Variants in AKAP7 observed in about 807,000 individuals in gnomAD.
AKAP7 encodes A kinase (PRKA) anchor protein 7.
In AKAP7, 39 loss-of-function variants were observed where a neutral mutation model predicts 39.5. The ratio of observed to expected loss-of-function variants is 0.99; its 90% confidence interval spans 0.76 to 1.29. The LOEUF is 1.29. Ranked by LOEUF, AKAP7 falls within the 50% of genes most tolerant of loss-of-function variation. AKAP7 has a pLI of 0.00. For missense variants in AKAP7, 414 were observed against 407.7 expected (o/e 1.02, Z -0.13); for synonymous variants, 140 against 139.1 (o/e 1.01, Z -0.05).
At chr6:131,168,284 A>C (rs1803696090) in intron 4 of AKAP7, among the ~76,000 whole-genome samples, 1 of 151,940 alleles carries the variant, frequency 6.6e-6, no homozygotes, top group African/African-American at 2.4e-5. Context: ...GGTGGCATAC[A>C]CCTGTGTATT....
At chr6:131,247,665 T>C (rs1812144838) in intron 7 of AKAP7, among the ~76,000 whole-genome samples, 1 of 151,710 alleles carries the variant, frequency 6.6e-6, no homozygotes, top group Admixed American at 6.6e-5. Context: ...CGGTCACTCC[T>C]GCACTCAGGC....
intron 7 of AKAP7, among the ~76,000 whole-genome samples, chr6:131,235,720 C>T (rs1487254012): frequency 1.3e-5 from 2 of 152,028 alleles, no homozygotes; most frequent in Non-Finnish European, 2.9e-5. Flanking sequence ...TTGAGAAGTG[C>T]CTGTTCATGT....
rs1353105281 is a variant in AKAP7 at position 131,282,007 on chromosome 6, G to C, written c.*281G>C. 1 of 1,164,844 alleles carries C rather than the reference G, an allele frequency of 8.6e-7. No homozygotes were observed. Among genetic ancestry groups the C allele is most frequent in the East Asian group, 4.2e-5 (1 of 24,028 alleles). 72.2% of individuals were successfully genotyped at this position (1,164,844 alleles called of 1,614,324 possible). Reference sequence around the variant, plus strand: ...CAAGGGAAAGGGAACTTTGGGTTATGCCTCCTGGACGCAAATTAAAGGCCG... The same window carrying C: ...CAAGGGAAAGGGAACTTTGGGTTATCCCTCCTGGACGCAAATTAAAGGCCG... On this transcript the variant is annotated 3_prime_UTR_variant, in exon 8 of 8. Transcript: ENST00000431975.
intron 6 of AKAP7, among the ~76,000 whole-genome samples, chr6:131,204,019 A>C (rs1289816337): frequency 2.0e-5 from 3 of 152,254 alleles, no homozygotes; most frequent in African/African-American, 7.2e-5. Context: ...TATACTCCCA[A>C]CCGTGGTGTA....
chr6:131,205,470 G>A (rs575083382), intron 6 of AKAP7, among the ~76,000 whole-genome samples: 1 of 152,238 alleles, frequency 6.6e-6, no homozygotes, highest in South Asian at 2.1e-4. Context: ...CCTCTGGTAG[G>A]CACTTGTTGG....
At chr6:131,154,057 A>G (rs1353981856) in intron 2 of AKAP7, among the ~76,000 whole-genome samples, 3 of 152,030 alleles carry the variant, frequency 2.0e-5, no homozygotes, top group Non-Finnish European at 4.4e-5. Context: ...TAAAAATACA[A>G]AAAATTAGCT....
At chr6:131,152,846 A>T (rs932784244) in intron 2 of AKAP7, among the ~76,000 whole-genome samples, 4 of 121,076 alleles carry the variant, frequency 3.3e-5, no homozygotes, top group Non-Finnish European at 7.0e-5. Flanking sequence ...AAAAAAAAAA[A>T]GTCCGGGCGC....
chr6:131,207,517 T>TTTTTTTTTTTTTTTTA (rs1367120493), intron 6 of AKAP7, among the ~76,000 whole-genome samples: 15 of 141,564 alleles, frequency 1.1e-4, no homozygotes, highest in African/African-American at 3.8e-4. Flanking sequence ...TTTTTTTTTT[T>TTTTTTTTTTTTTTTTA]AGATATGGGG....
At chr6:131,252,140 TC>T (rs1812495255) in intron 7 of AKAP7, among the ~76,000 whole-genome samples, 3 of 152,246 alleles carry the variant, frequency 2.0e-5, no homozygotes, top group African/African-American at 7.2e-5. Flanking sequence ...TTTTCTGTCT[TC>T]CTTATCAGGG....
intron 6 of AKAP7, among the ~76,000 whole-genome samples, chr6:131,204,085 T>C (rs1807867299): frequency 6.6e-6 from 1 of 152,222 alleles, no homozygotes; most frequent in African/African-American, 2.4e-5. Flanking sequence ...AGAGGTCATA[T>C]AAAATTGATA....
intron 5 of AKAP7, among the ~76,000 whole-genome samples, chr6:131,193,501 A>G (rs756265038): frequency 1.3e-5 from 2 of 152,044 alleles, no homozygotes; most frequent in Non-Finnish European, 2.9e-5. Context: ...TATCATAGAT[A>G]TTGGCCTGTA....
Position 131,199,376 on chromosome 6 carries a change from T to G in AKAP7, c.590-85T>G, listed in dbSNP as rs1807289766. 6 of 882,508 alleles carry G rather than the reference T, an allele frequency of 6.8e-6. No homozygotes were observed. The South Asian group carries it at 9.7e-5, about 14-fold the overall frequency. 54.7% of individuals were successfully genotyped at this position (882,508 alleles called of 1,614,324 possible). ...TCTTCACTGTAAAATAATTAGTGAT[T>G]GTTTGAACTGGTATTTTTTTTTACA... On this transcript the variant is annotated intron_variant, in intron 5 of 7. Coordinates refer to ENST00000431975, the MANE Select transcript of AKAP7 (RefSeq NM_016377.4).
At chr6:131,166,865 T>C (rs1803549866) in intron 4 of AKAP7, among the ~76,000 whole-genome samples, 1 of 152,220 alleles carries the variant, frequency 6.6e-6, no homozygotes, top group Non-Finnish European at 1.5e-5. Context: ...TGTCCTATAT[T>C]GATTCCTAAT....
At chr6:131,185,058 T>A (rs1805694459) in intron 5 of AKAP7, 1 of 713,922 alleles carries the variant, frequency 1.4e-6, no homozygotes. Flanking sequence ...CACAGGAAAC[T>A]TGCCCAGGCT....
At chr6:131,174,998 G>A (rs748155694) in intron 5 of AKAP7, among the ~76,000 whole-genome samples, 8 of 151,702 alleles carry the variant, frequency 5.3e-5, no homozygotes, top group Non-Finnish European at 1.2e-4. Flanking sequence ...AAGCCTTATT[G>A]ATAACATAAA....
intron 7 of AKAP7, among the ~76,000 whole-genome samples, chr6:131,226,131 T>C (rs182055961): frequency 9.3e-4 from 141 of 152,336 alleles, no homozygotes; most frequent in Non-Finnish European, 1.7e-3. Flanking sequence ...AGCTATCTTT[T>C]ATCATCCCAC....
chr6:131,167,371 T>G (rs1266769553), intron 4 of AKAP7, among the ~76,000 whole-genome samples: 1 of 152,170 alleles, frequency 6.6e-6, no homozygotes, highest in African/African-American at 2.4e-5. Flanking sequence ...CTTTAAAGAA[T>G]AACGACATAG....
chr6:131,219,703 A>G lies in AKAP7; in HGVS notation c.745A>G (p.Ser249Gly). ...TCCTGATTTATATGAAAAGTTTATC[A>G]GTCACAGATTTGGAGAAGAAATATT... ...IDPDLYEKFI[S>G]HRFGEEILYR... is the part of the protein sequence containing the mutation. Residue 249 changes from serine (S) to glycine (G), a missense_variant, in exon 7 of 8, where the codon AGT (serine) becomes GGT (glycine). Physicochemically the swap from Ser to Gly is moderately conservative, Grantham distance 56 (BLOSUM62 0). Coordinates refer to ENST00000431975, the MANE Select transcript of AKAP7 (RefSeq NM_016377.4). 6.3e-7 allele frequency: 1 copy of G among 1,597,202 alleles called. No homozygotes were observed. Among genetic ancestry groups the G allele is most frequent in the Admixed American group, 1.8e-5 (1 of 56,970 alleles).
chr6:131,224,452 T>C, intron 7 of AKAP7, among the ~76,000 whole-genome samples: 1 of 152,104 alleles, frequency 6.6e-6, no homozygotes, highest in East Asian at 1.9e-4. Context: ...TTATTCAGAG[T>C]TCTAGGATAG....
Sources: allele counts gnomAD v4.1 joint callset (sites outside exome capture counted in the v4.1 genomes callset), GRCh38; gene constraint gnomAD v4.1.1; transcripts MANE v1.5; gene names NCBI Gene and HGNC (gene_info 2026-07-23, HGNC 2026-07-21).